Variants in SDK1 observed in about 807,000 individuals in gnomAD.
The protein encoded by SDK1 is sidekick cell adhesion molecule 1.
Under a neutral mutation model 245.5 loss-of-function variants are expected in SDK1, and 157 were observed. The observed-to-expected ratio is 0.64, with a 90% CI of 0.56 to 0.73. SDK1 has a LOEUF of 0.73. SDK1 is among the 30% of genes least tolerant of loss of function. SDK1 has a pLI of 0.00. For missense variants in SDK1, 3,583 were observed against 3,002.3 expected (o/e 1.19, Z -4.52); for synonymous variants, 1,647 against 1,278.5 (o/e 1.29, Z -6.15).
chr7:3,486,716 T>C (rs1395004197), intron 1 of SDK1, among the ~76,000 whole-genome samples: 1 of 152,182 alleles, frequency 6.6e-6, no homozygotes, highest in African/African-American at 2.4e-5. Flanking sequence ...ATAGTAGATT[T>C]TTAGCCACGT....
intron 25 of SDK1, among the ~76,000 whole-genome samples, chr7:4,122,767 A>G (rs2128194863): frequency 6.6e-6 from 1 of 152,358 alleles, no homozygotes; most frequent in Admixed American, 6.5e-5. Flanking sequence ...GGGAATTCCC[A>G]AGAACATCTC....
At chr7:4,224,357 G>T (rs372954042) in intron 40 of SDK1, among the ~76,000 whole-genome samples, 1 of 152,230 alleles carries the variant, frequency 6.6e-6, no homozygotes. Flanking sequence ...ACAGGGAGCC[G>T]GCACGCCACA....
intron 14 of SDK1, among the ~76,000 whole-genome samples, chr7:4,005,094 G>T (rs527696776): frequency 1.8e-4 from 23 of 130,104 alleles, no homozygotes; most frequent in African/African-American, 6.9e-4. Flanking sequence ...TCACCAGGCT[G>T]TAGTGCAGTG....
Position 4,164,395 on chromosome 7 carries a change from G to A in SDK1, c.4800+2539G>A, listed in dbSNP as rs556760318. On this transcript the variant is annotated intron_variant, in intron 32 of 44. Transcript: ENST00000404826. ...CACACAACATCTCCAGTCTTTGGGGGCCGCTAGACCCCCAGACCCGAGCTT... is the reference window on the plus strand; with the variant it reads ...CACACAACATCTCCAGTCTTTGGGGACCGCTAGACCCCCAGACCCGAGCTT... Among the ~76,000 whole-genome samples the A allele has an allele frequency of 3.3e-5, 5 of 152,200 alleles. No individual in the cohort carries two copies. In the South Asian group the frequency reaches 6.2e-4, roughly 19 times the overall value.
rs569493039 is a variant in SDK1, at chr7:3,461,955, T to C, written c.299-157125T>C. The stretch of plus-strand genomic sequence containing the variant: ...GATCAGTTTCATCGGCATTTAAGCA[T>C]GTTCAAGACTCTTCTGTATTAAAAA... On this transcript the variant is annotated intron_variant, in intron 1 of 44. Coordinates refer to ENST00000404826, the MANE Select transcript of SDK1 (RefSeq NM_152744.4). 1.6e-4 allele frequency among the ~76,000 whole-genome samples: 25 copies of C among 152,328 alleles called. No homozygotes were observed. The East Asian group carries it at 4.6e-3, about 28-fold the overall frequency.
At chr7:3,560,773 C>A (rs1027318863) in intron 1 of SDK1, among the ~76,000 whole-genome samples, 4 of 152,174 alleles carry the variant, frequency 2.6e-5, no homozygotes, top group African/African-American at 9.7e-5. Context: ...TACTACCCCT[C>A]CCCAGCTCTG....
chr7:4,213,807 T>G (rs1037543950), intron 38 of SDK1, among the ~76,000 whole-genome samples: 1 of 152,188 alleles, frequency 6.6e-6, no homozygotes, highest in Non-Finnish European at 1.5e-5. Flanking sequence ...GTGTTGCCGT[T>G]TCTTGTTCGT....
At chr7:4,253,303 A>T (rs1421076284) in intron 44 of SDK1, among the ~76,000 whole-genome samples, 1 of 152,132 alleles carries the variant, frequency 6.6e-6, no homozygotes, top group Non-Finnish European at 1.5e-5. Context: ...TGTTAGCTGA[A>T]TCTCATAAGT....
At chr7:3,865,769 A>G (rs887899353) in intron 5 of SDK1, among the ~76,000 whole-genome samples, 2 of 151,596 alleles carry the variant, frequency 1.3e-5, no homozygotes, top group Non-Finnish European at 2.9e-5. Flanking sequence ...AAACGCTGGG[A>G]TTACAGGCAT....
chr7:3,663,606 G>T (rs1244661689), intron 4 of SDK1, among the ~76,000 whole-genome samples: 1 of 152,076 alleles, frequency 6.6e-6, no homozygotes, highest in Non-Finnish European at 1.5e-5. Context: ...TGACATGCAG[G>T]GTAATCACCT....
intron 4 of SDK1, among the ~76,000 whole-genome samples, chr7:3,688,648 T>C (rs935657216): frequency 6.6e-6 from 1 of 152,252 alleles, no homozygotes; most frequent in African/African-American, 2.4e-5. Flanking sequence ...GACCTCAGTT[T>C]CCTCATCTAG....
chr7:3,513,296 G>A (rs981482974), intron 1 of SDK1, among the ~76,000 whole-genome samples: 1 of 152,180 alleles, frequency 6.6e-6, no homozygotes. Flanking sequence ...ATAAGAGACA[G>A]TAATAATGAC....
At chr7:4,150,833 C>G (rs373565066) in intron 30 of SDK1, among the ~76,000 whole-genome samples, 20 of 152,236 alleles carry the variant, frequency 1.3e-4, no homozygotes, top group African/African-American at 4.3e-4. Context: ...CCATCCCTGG[C>G]TTGAGGACCA....
At position 3,500,698 on chromosome 7, in the gene SDK1, A is replaced by G. The variant is rs150616226; in HGVS notation, c.299-118382A>G. Among the ~76,000 whole-genome samples the G allele has an allele frequency of 2.2e-4, 34 of 152,278 alleles. No individual in the cohort carries two copies. In the East Asian group the frequency reaches 5.4e-3, roughly 24 times the overall value. ...TGGAAACAAATTTCTTTTATTTCTA[A>G]GAAGGCTTCTAGAGTCATTTCATTA... On this transcript the variant is annotated intron_variant, in intron 1 of 44. Transcript: ENST00000404826.
chr7:3,962,622 T>G, intron 8 of SDK1, 35 bp from the exon 9 acceptor site: 1 of 1,523,748 alleles, frequency 6.6e-7, no homozygotes, highest in Non-Finnish European at 8.9e-7. Context: ...TCAGGAATTA[T>G]TTTTAAAATC....
intron 41 of SDK1, among the ~76,000 whole-genome samples, chr7:4,234,808 G>T (rs942671498): frequency 1.3e-5 from 2 of 152,206 alleles, no homozygotes; most frequent in African/African-American, 4.8e-5. Context: ...TTCAGAGAGG[G>T]ATGGGCTGTG....
chr7:3,696,406 A>G (rs947461174), intron 4 of SDK1, among the ~76,000 whole-genome samples: 13 of 152,138 alleles, frequency 8.5e-5, no homozygotes, highest in African/African-American at 3.1e-4. Context: ...GGAATGATTG[A>G]TTGCTTGATT....
At chr7:3,784,777 T>G (rs187634994) in intron 4 of SDK1, among the ~76,000 whole-genome samples, 7 of 152,342 alleles carry the variant, frequency 4.6e-5, no homozygotes, top group Middle Eastern at 6.8e-3. Flanking sequence ...GTGCAGCCAT[T>G]GTGGAAAACT....
intron 1 of SDK1, among the ~76,000 whole-genome samples, chr7:3,410,100 T>C (rs754615909): frequency 3.3e-5 from 5 of 152,144 alleles, no homozygotes; most frequent in Non-Finnish European, 5.9e-5. Context: ...TGGCACATAA[T>C]AAGTAATACT....
Sources: allele counts gnomAD v4.1 joint callset (sites outside exome capture counted in the v4.1 genomes callset), GRCh38; gene constraint gnomAD v4.1.1; transcripts MANE v1.5; gene names NCBI Gene and HGNC (gene_info 2026-07-23, HGNC 2026-07-21).